The following FGB variants were observed in gnomAD, a reference collection of about 807,000 sequenced individuals.
FGB encodes the protein fibrinogen beta chain, also known as beta-fibrinogen.
In FGB, 25 loss-of-function variants were observed where a neutral mutation model predicts 57.9. That is an observed-to-expected ratio of 0.43 (90% CI 0.31 to 0.60). The LOEUF is 0.60. Ranked by LOEUF, FGB falls within the 20% of genes least tolerant of loss-of-function variation. The pLI is 0.08. For synonymous variants in FGB, 203 were observed against 199.2 expected, an observed-to-expected ratio of 1.02 and a Z score of -0.16; for missense variants, 536 against 598.4, an observed-to-expected ratio of 0.90 and a Z score of 1.09.
In FGB at chr4:154,570,868, G is replaced by C. The variant is rs1220036206; in HGVS notation, c.*218G>C. 1 of 578,236 alleles carries C rather than the reference G, an allele frequency of 1.7e-6. No individual in the cohort carries two copies. Among genetic ancestry groups the C allele is most frequent in the Non-Finnish European group, 3.1e-6 (1 of 322,650 alleles). 35.8% of individuals were successfully genotyped at this position (578,236 alleles called of 1,614,324 possible). ...CTCACCAAGAAGTAACAAAAGTATA[G>C]TTTTGACAGAGTTGGTGTTCATAAT... On this transcript the variant is annotated 3_prime_UTR_variant, in exon 8 of 8. Transcript: ENST00000302068.
chr4:154,565,680 C>T (rs1166185675), intron 1 of FGB, 128 bp from the exon 2 acceptor site: 4 of 919,014 alleles, frequency 4.4e-6, no homozygotes, highest in Non-Finnish European at 6.7e-6. Context: ...ACCAACCAGC[C>T]AGTTGATGGA....
intron 4 of FGB, among the ~76,000 whole-genome samples, chr4:154,568,062 G>T (rs2227413): frequency 1.3e-5 from 2 of 152,240 alleles, no homozygotes; most frequent in East Asian, 1.9e-4. Context: ...GTGCATCTGC[G>T]TACTGGCTTG....
chr4:154,569,211 G>T lies in FGB; in HGVS notation c.862G>T (p.Gly288Cys). The T allele has an allele frequency of 6.2e-7, 1 of 1,613,960 alleles. No individual in the cohort carries two copies. The highest frequency in any genetic ancestry group is 1.7e-5 in the Admixed American group (1 of 60,018). ...GWTVIQNRQD[G>C]SVDFGRKWDP... Reference sequence around the variant, plus strand: ...GACAGTGATTCAGAACCGTCAAGACGGTAGTGTTGACTTTGGCAGGAAATG... The same window carrying T: ...GACAGTGATTCAGAACCGTCAAGACTGTAGTGTTGACTTTGGCAGGAAATG... The change falls in exon 6 of 8, where the codon GGT becomes TGT. Residue 288 changes from glycine (G) to cysteine (C), a missense_variant. Around this residue, in one of 3 missense-constraint regions of FGB, gnomAD observed 354 missense variants for 383.4 expected, o/e 0.92. Coordinates refer to ENST00000302068, the MANE Select transcript of FGB (RefSeq NM_005141.5).
At chr4:154,563,307 A>G (rs1218491911) in intron 1 of FGB, among the ~76,000 whole-genome samples, 175 bp downstream of exon 1, 1 of 151,934 alleles carries the variant, frequency 6.6e-6, no homozygotes, top group Non-Finnish European at 1.5e-5. Context: ...CTTATATAAA[A>G]ACAAAGTAAT....
Position 154,566,481 on chromosome 4 carries a change from G to T in FGB, c.307-8G>T, listed in dbSNP as rs1401645835. 6.2e-7 allele frequency: 1 copy of T among 1,613,864 alleles called. No individual in the cohort carries two copies. The highest frequency in any genetic ancestry group is 1.7e-5 in the Admixed American group (1 of 60,016). On this transcript the variant is annotated splice_polypyrimidine_tract_variant and splice_region_variant and intron_variant, in intron 2 of 7. Transcript: ENST00000302068. ...TCATCTAATGCCTGCTATTTTCTTT[G>T]TTTTTAGGGGGTGTTGTGTCCTACA...
chr4:154,568,581 C>T (rs1730272744), intron 5 of FGB, 87 bp downstream of exon 5: 1 of 774,062 alleles, frequency 1.3e-6, no homozygotes, highest in Non-Finnish European at 2.3e-6. Context: ...TGTGGTGGCT[C>T]ATACCTGTAA....
At position 154,569,633 on chromosome 4, in the gene FGB, A is replaced by G. The variant is rs1352764374; in HGVS notation, c.1078A>G (p.Thr360Ala). 2 of 1,614,156 alleles carry G rather than the reference A, an allele frequency of 1.2e-6. No homozygotes were observed. Among genetic ancestry groups the G allele is most frequent in the Admixed American group, 1.7e-5 (1 of 59,998 alleles). The change falls in exon 7 of 8, where the codon ACT becomes GCT. Residue 360 changes from threonine (T) to alanine (A), a missense_variant. By Grantham distance (58) the Thr-to-Ala change is moderately conservative (BLOSUM62 0). Coordinates refer to ENST00000302068, the MANE Select transcript of FGB (RefSeq NM_005141.5). ...AGTAAAGGCTCACTATGGAGGATTC[A>G]CTGTACAGAATGAAGCCAACAAATA... The part of the protein sequence containing the change: ...DKVKAHYGGF[T>A]VQNEANKYQI...
chr4:154,566,402 T>G (rs1730160508), intron 2 of FGB, 87 bp from the exon 3 acceptor site: 1 of 1,223,246 alleles, frequency 8.2e-7, no homozygotes, highest in African/African-American at 1.5e-5. Context: ...TGGCTAATCG[T>G]ATCGCTGAAT....
At position 154,565,720 on chromosome 4, in the gene FGB, C is replaced by G; in HGVS notation, c.115-88C>G. 3 of 1,336,636 alleles carry G rather than the reference C, an allele frequency of 2.2e-6. No individual in the cohort carries two copies. The South Asian group carries it at 3.8e-5, about 17-fold the overall frequency. 82.8% of individuals were successfully genotyped at this position (1,336,636 alleles called of 1,614,324 possible). On this transcript the variant is annotated intron_variant, in intron 1 of 7. Transcript: ENST00000302068. ...AAGCAAATTATCAAGCTTGTGATAA[C>G]CTAAATTATAAAATGAGGGTGTTGG...
chr4:154,566,043 G>T, intron 2 of FGB, 44 bp downstream of exon 2: 1 of 1,563,442 alleles, frequency 6.4e-7, no homozygotes, highest in South Asian at 1.1e-5. Flanking sequence ...CTCTCATGCA[G>T]AGAAAGCCTG....
At chr4:154,564,880 G>A (rs1215109145) in intron 1 of FGB, among the ~76,000 whole-genome samples, 3 of 152,022 alleles carry the variant, frequency 2.0e-5, no homozygotes, top group Non-Finnish European at 1.5e-5. Context: ...TAATTACAAT[G>A]CACAAGCCTT....
chr4:154,566,136 A>C, intron 2 of FGB, 137 bp downstream of exon 2: 1 of 865,702 alleles, frequency 1.2e-6, no homozygotes, highest in South Asian at 1.8e-5. Context: ...AATAAAATTC[A>C]AAACATAAAC....
Position 154,565,834 on chromosome 4 carries a change from A to G in FGB, c.141A>G (p.Arg47=), listed in dbSNP as rs6059. The stretch of plus-strand genomic sequence containing the variant: ...GTTTCTTCAGTGCCCGTGGTCATCG[A>G]CCCCTTGACAAGAAGAGAGAAGAGG... The part of the protein sequence containing the change: ...EEGFFSARGH[R]PLDKKREEAP... The change falls in exon 2 of 8, where the codon CGA becomes CGG. Residue 47 remains arginine, a synonymous_variant. Coordinates refer to ENST00000302068, the MANE Select transcript of FGB (RefSeq NM_005141.5). 1.2e-6 allele frequency: 2 copies of G among 1,613,928 alleles called. No homozygotes were observed. Among genetic ancestry groups the G allele is most frequent in the East Asian group, 2.2e-5 (1 of 44,878 alleles).
Position 154,571,915 on chromosome 4 carries a change from G to A in FGB, c.*1265G>A, listed in dbSNP as rs747961605. Among the ~76,000 whole-genome samples the A allele has an allele frequency of 5.3e-5, 8 of 152,066 alleles. No individual in the cohort carries two copies. The highest frequency in any genetic ancestry group is 1.0e-4 in the Non-Finnish European group (7 of 67,998). On this transcript the variant is annotated 3_prime_UTR_variant, in exon 8 of 8. Transcript: ENST00000302068. ...GCAAAGCTCATTAATTTCTGTCTTG[G>A]AAATGCTACTACTCTCTTTAATTAC...
rs1730135152 is a variant in FGB at position 154,565,872 on chromosome 4, G to A, written c.179G>A (p.Arg60Lys). The A allele has an allele frequency of 6.2e-7, 1 of 1,614,188 alleles. No homozygotes were observed. ...AAGAGAGAAGAGGCTCCCAGCCTGAGGCCTGCCCCACCGCCCATCAGTGGA... is the reference window on the plus strand; with the variant it reads ...AAGAGAGAAGAGGCTCCCAGCCTGAAGCCTGCCCCACCGCCCATCAGTGGA... ...DKKREEAPSL[R>K]PAPPPISGGG... Residue 60 changes from arginine to lysine, a missense_variant, in exon 2 of 8, where the codon AGG becomes AAG. Arg to Lys is a conservative substitution (Grantham distance 26, BLOSUM62 2). Coordinates refer to ENST00000302068, the MANE Select transcript of FGB (RefSeq NM_005141.5).
chr4:154,564,111 T>G (rs1277165152), intron 1 of FGB, among the ~76,000 whole-genome samples: 3 of 151,984 alleles, frequency 2.0e-5, no homozygotes, highest in African/African-American at 7.2e-5. Context: ...AAAGAATGTG[T>G]AAGACGAAAT....
intron 1 of FGB, 90 bp downstream of exon 1, chr4:154,563,222 T>A: frequency 3.1e-6 from 2 of 637,174 alleles, no homozygotes; most frequent in Non-Finnish European, 5.6e-6. Flanking sequence ...TTAATGAAAT[T>A]AGCATTGCTT....
chr4:154,568,476 A>G lies in FGB; in HGVS notation c.814A>G (p.Met272Val). ...SVKPYRVYCD[M>V]NTENGGWTVI... ...CAAACCGTATAGAGTATACTGTGAC[A>G]TGAATACAGAAAATGGAGGTAAGCT... The change falls in exon 5 of 8, where the codon ATG becomes GTG. Residue 272 changes from methionine to valine, a missense_variant. Transcript: ENST00000302068. The G allele has an allele frequency of 6.4e-7, 1 of 1,565,392 alleles. No individual in the cohort carries two copies. The highest frequency in any genetic ancestry group is 8.8e-7 in the Non-Finnish European group (1 of 1,135,694).
chr4:154,569,837 C>A, intron 7 of FGB, 38 bp downstream of exon 7: 2 of 1,606,568 alleles, frequency 1.2e-6, no homozygotes, highest in South Asian at 1.1e-5. Flanking sequence ...TTAAAAATCA[C>A]ACTAATATCA....
Sources: gnomAD v4.1 joint callset for allele counts (sites outside exome capture counted in the v4.1 genomes callset) on GRCh38, gnomAD v4.1.1 for gene constraint, gnomAD v4.1.1 regional missense constraint, MANE v1.5 for transcripts, NCBI Gene and HGNC (gene_info 2026-07-23, HGNC 2026-07-21) for gene names.